RELL1: variants seen among roughly 807,000 people sequenced by gnomAD.
The protein encoded by RELL1 is RELT-like protein 1.
In RELL1, 10 loss-of-function variants were observed where a neutral mutation model predicts 23.0. The ratio of observed to expected loss-of-function variants is 0.43; its 90% CI spans 0.27 to 0.74. The LOEUF (loss-of-function observed/expected upper bound fraction) is 0.74, where lower values mean the gene tolerates loss of function less well. Ranked by LOEUF, RELL1 falls within the 30% of genes least tolerant of loss-of-function variation. RELL1 has a pLI of 0.19. For missense variants in RELL1, 315 were observed against 364.4 expected (o/e 0.86, Z 1.10); for synonymous variants, 146 against 146.8 (o/e 0.99, Z 0.04).
intron 1 of RELL1, among the ~76,000 whole-genome samples, chr4:37,683,222 C>T (rs1264429031): frequency 1.3e-5 from 2 of 152,180 alleles, no homozygotes; most frequent in African/African-American, 4.8e-5. Context: ...TATTTTTCCT[C>T]TGCAGAGCAG....
chr4:37,659,940 G>A (rs927254979), intron 1 of RELL1, among the ~76,000 whole-genome samples: 3 of 152,168 alleles, frequency 2.0e-5, no homozygotes, highest in South Asian at 2.1e-4. Context: ...AGGAAAGGGT[G>A]CGCATTCTCA....
chr4:37,601,208 C>T (rs1577555781), intron 6 of RELL1, among the ~76,000 whole-genome samples: 1 of 152,142 alleles, frequency 6.6e-6, no homozygotes, highest in African/African-American at 2.4e-5. Flanking sequence ...AGCCCACCTT[C>T]GAATGTTATA....
intron 1 of RELL1, among the ~76,000 whole-genome samples, chr4:37,680,519 T>G (rs1268130569): frequency 6.6e-6 from 1 of 152,162 alleles, no homozygotes; most frequent in African/African-American, 2.4e-5. Context: ...GCAGCCCTTT[T>G]TTGGGTGTAT....
At position 37,686,265 on chromosome 4, in the gene RELL1, C is replaced by T. The variant is rs1288563944; in HGVS notation, c.23G>A (p.Gly8Glu). 8 of 1,548,794 alleles carry T rather than the reference C, an allele frequency of 5.2e-6. No individual in the cohort carries two copies. In the African/African-American group the frequency reaches 7.1e-5, roughly 14 times the overall value. The part of the protein sequence containing the change: MAPRALP[G>E]SAVLAAAVFV... Reference sequence around the variant, plus strand: ...GACAGCAGCGGCTAGGACGGCGGACCCCGGGAGTGCCCGCGGAGCCATCGC... The same window carrying T: ...GACAGCAGCGGCTAGGACGGCGGACTCCGGGAGTGCCCGCGGAGCCATCGC... The change falls in exon 1 of 7, where the codon GGG becomes GAG. Residue 8 changes from glycine to glutamate, a missense_variant. Transcript: ENST00000454158.
intron 1 of RELL1, among the ~76,000 whole-genome samples, chr4:37,669,078 C>A (rs1721667853): frequency 7.8e-6 from 1 of 128,428 alleles, no homozygotes; most frequent in Non-Finnish European, 1.6e-5. Context: ...CCCCGCCTGG[C>A]CAGCCGCCCC....
chr4:37,624,674 C>G (rs542148966), intron 6 of RELL1, among the ~76,000 whole-genome samples: 2 of 152,172 alleles, frequency 1.3e-5, no homozygotes, highest in South Asian at 4.1e-4. Flanking sequence ...CGTGATCCGC[C>G]CACCTCGGCC....
intron 2 of RELL1, among the ~76,000 whole-genome samples, chr4:37,647,973 CTG>C (rs1720765993): frequency 6.6e-6 from 1 of 152,076 alleles, no homozygotes; most frequent in African/African-American, 2.4e-5. Context: ...TTTGGGGACT[CTG>C]TACCAGGAGC....
At chr4:37,622,650 A>C (rs1386715852) in intron 6 of RELL1, among the ~76,000 whole-genome samples, 1 of 152,134 alleles carries the variant, frequency 6.6e-6, no homozygotes, top group East Asian at 1.9e-4. Flanking sequence ...ACACTAAACA[A>C]GGGGACTGGG....
chr4:37,668,556 C>T (rs1721628219), intron 1 of RELL1, among the ~76,000 whole-genome samples: 1 of 151,994 alleles, frequency 6.6e-6, no homozygotes, highest in Non-Finnish European at 1.5e-5. Context: ...GGCGTGATCT[C>T]GGCTCGCTAC....
chr4:37,634,018 C>T (rs1182767261), intron 5 of RELL1, among the ~76,000 whole-genome samples: 1 of 152,240 alleles, frequency 6.6e-6, no homozygotes, highest in African/African-American at 2.4e-5. Flanking sequence ...GTGTTCCTTA[C>T]CAGTACTCCC....
intron 1 of RELL1, among the ~76,000 whole-genome samples, chr4:37,671,415 G>T (rs925780611): frequency 3.3e-5 from 5 of 152,160 alleles, no homozygotes; most frequent in Non-Finnish European, 2.9e-5. Context: ...TGATAAAAGG[G>T]TGTGGTAAAG....
chr4:37,588,844 A>G, downstream of RELL1: 1 of 1,607,350 alleles, frequency 6.2e-7, no homozygotes, highest in Non-Finnish European at 8.5e-7. Context: ...TTTCTTTTCC[A>G]GGTGGTAACA....
At chr4:37,671,253 C>G (rs11096895) in intron 1 of RELL1, among the ~76,000 whole-genome samples, 116,888 of 152,052 alleles carry the variant, frequency 0.77, 48,513 homozygotes, top group Non-Finnish European at 0.92. Context: ...CTAGAATTAT[C>G]AGAGGCGTTT....
intron 1 of RELL1, among the ~76,000 whole-genome samples, chr4:37,682,815 C>G (rs1722266902): frequency 6.6e-6 from 1 of 152,194 alleles, no homozygotes; most frequent in Admixed American, 6.5e-5. Flanking sequence ...TGGAGGGAAG[C>G]CTGCAGCCCA....
intron 1 of RELL1, among the ~76,000 whole-genome samples, chr4:37,679,340 A>T (rs1722126732): frequency 6.6e-6 from 1 of 152,202 alleles, no homozygotes; most frequent in East Asian, 1.9e-4. Context: ...ATTTCACACT[A>T]GAGTACCAAA....
intron 3 of RELL1, among the ~76,000 whole-genome samples, chr4:37,641,806 A>C (rs1338681630): frequency 6.6e-6 from 1 of 152,198 alleles, no homozygotes; most frequent in Non-Finnish European, 1.5e-5. Flanking sequence ...GCAAAAACTA[A>C]CATTGCCATC....
chr4:37,658,960 T>C (rs1395223851), intron 1 of RELL1, among the ~76,000 whole-genome samples: 2 of 141,302 alleles, frequency 1.4e-5, no homozygotes, highest in Non-Finnish European at 3.3e-5. Context: ...TTATCACCAA[T>C]CAATCTCCCT....
intron 1 of RELL1, among the ~76,000 whole-genome samples, chr4:37,652,699 T>C (rs1720990673): frequency 6.6e-6 from 1 of 152,200 alleles, no homozygotes; most frequent in African/African-American, 2.4e-5. Context: ...GGTGTCTTCA[T>C]CGTGAATTTG....
downstream of RELL1, chr4:37,588,700 C>T: frequency 1.7e-6 from 1 of 602,520 alleles, no homozygotes; most frequent in South Asian, 2.1e-5. Context: ...CCAGCACCCT[C>T]TCTGACCCAC....
Sources: allele counts gnomAD v4.1 joint callset (sites outside exome capture counted in the v4.1 genomes callset), GRCh38; gene constraint gnomAD v4.1.1; transcripts MANE v1.5; gene names NCBI Gene and HGNC (gene_info 2026-07-23, HGNC 2026-07-21).